Variants in ZBTB17 observed in about 807,000 individuals in gnomAD.
ZBTB17 encodes the protein zinc finger and BTB domain containing 17.
Under a neutral mutation model 85.1 loss-of-function variants are expected in ZBTB17, and 24 were observed. That is an observed-to-expected ratio of 0.28 (90% CI 0.20 to 0.40). The LOEUF (loss-of-function observed/expected upper bound fraction) is 0.40. Ranked by LOEUF, ZBTB17 falls within the 10% of genes least tolerant of loss-of-function variation. ZBTB17 has a pLI of 1.00. For missense variants in ZBTB17, 743 were observed against 1,105.1 expected (o/e 0.67, Z 4.65); for synonymous variants, 464 against 460.2 (o/e 1.01, Z -0.11).
chr1:15,974,918 T>C (rs2072809828), intron 1 of ZBTB17, among the ~76,000 whole-genome samples: 1 of 152,208 alleles, frequency 6.6e-6, no homozygotes, highest in South Asian at 2.1e-4. Context: ...CTCCTCTCTC[T>C]ACGAAGATGA....
chr1:15,945,705 G>T lies in ZBTB17; in HGVS notation c.661+10C>A. On this transcript the variant is annotated intron_variant, in intron 6 of 15. Coordinates refer to ENST00000375743, the MANE Select transcript of ZBTB17 (RefSeq NM_003443.3). The stretch of plus-strand genomic sequence containing the variant: ...CCAGGTAGGGCCTGGTCCTGGCTGG[G>T]CGGGGCTACCTTGCTCCGAGCTCTC... The T allele has an allele frequency of 1.2e-6, 2 of 1,606,668 alleles. No homozygotes were observed. The highest frequency in any genetic ancestry group is 1.7e-6 in the Non-Finnish European group (2 of 1,179,794).
chr1:15,955,858 C>G (rs2148786948), intron 2 of ZBTB17, among the ~76,000 whole-genome samples: 1 of 152,290 alleles, frequency 6.6e-6, no homozygotes, highest in South Asian at 2.1e-4. Context: ...GCCTAGGTGA[C>G]AGAGGGAGAC....
At position 15,966,187 on chromosome 1, in the gene ZBTB17, A is replaced by G. The variant is rs982829837; in HGVS notation, c.-3+6852T>C. On this transcript the variant is annotated intron_variant, in intron 2 of 15. Transcript: ENST00000375743. This position sits in a 1 kb window ranked among gnomAD's most constrained non-coding sequence, Gnocchi z 4.1. ...GAGGGGCCCACATGGCCCCGAGACT[A>G]CAGAAATGAGAAGTGCTTTGCTCTC... is the stretch of plus-strand genomic sequence containing the variant. 6.6e-6 allele frequency among the ~76,000 whole-genome samples: 1 copy of G among 152,200 alleles called. No homozygotes were observed. The highest frequency in any genetic ancestry group is 1.5e-5 in the Non-Finnish European group (1 of 68,036).
intron 2 of ZBTB17, among the ~76,000 whole-genome samples, chr1:15,960,169 T>C (rs2072207198): frequency 6.6e-6 from 1 of 152,176 alleles, no homozygotes; most frequent in Non-Finnish European, 1.5e-5. Context: ...GTTAAAACAC[T>C]CCTACCTCCA....
chr1:15,945,876 C>CCT, intron 5 of ZBTB17, 36 bp from the exon 6 acceptor site: 3 of 1,574,260 alleles, frequency 1.9e-6, no homozygotes, highest in Non-Finnish European at 2.6e-6. Context: ...GGATTGCTAC[C>CCT]CTCTGCCCAG....
intron 2 of ZBTB17, among the ~76,000 whole-genome samples, chr1:15,955,833 C>T (rs1039981873): frequency 3.3e-5 from 5 of 152,170 alleles, no homozygotes; most frequent in Non-Finnish European, 2.9e-5. Context: ...GCTATGACTG[C>T]ACCACTGCAC....
chr1:15,947,175 C>T, intron 3 of ZBTB17, 52 bp from the exon 4 acceptor site: 3 of 1,537,878 alleles, frequency 2.0e-6, no homozygotes, highest in Middle Eastern at 1.7e-4. Flanking sequence ...CCGGCACCGG[C>T]AGCCTGCCCC....
rs924725197 is a variant in ZBTB17 at position 15,952,676 on chromosome 1, C to A, written c.-2-4179G>T. Among the ~76,000 whole-genome samples, 15 of 152,342 alleles carry A rather than the reference C, an allele frequency of 9.8e-5. No homozygotes were observed. The highest frequency in any genetic ancestry group is 6.8e-3 in the Middle Eastern group (2 of 294). ...GGCTCCTGGGAATCCAGTCACCGAG[C>A]TGGAGGAAAGTCCAAGCTCCCGTGT... On this transcript the variant is annotated intron_variant, in intron 2 of 15. Coordinates refer to ENST00000375743, the MANE Select transcript of ZBTB17 (RefSeq NM_003443.3). This position sits in a 1 kb window ranked among gnomAD's most constrained non-coding sequence, Gnocchi z 4.3.
chr1:15,949,648 C>T (rs752515644), intron 2 of ZBTB17, among the ~76,000 whole-genome samples: 7 of 152,342 alleles, frequency 4.6e-5, no homozygotes, highest in African/African-American at 9.6e-5. Flanking sequence ...CCCCCAGTTT[C>T]GGCAGCTCTG....
In ZBTB17 at chr1:15,966,352, T is replaced by A. The variant is rs1488891148; in HGVS notation, c.-3+6687A>T. ...TGCGGCTGGGGTGGGGAGAACAGAT[T>A]CTACTGCCAGACCTTTCAAGACCAG... is the stretch of plus-strand genomic sequence containing the variant. On this transcript the variant is annotated intron_variant, in intron 2 of 15. Transcript: ENST00000375743. This position sits in a 1 kb window ranked among gnomAD's most constrained non-coding sequence, Gnocchi z 4.1. Among the ~76,000 whole-genome samples the A allele has an allele frequency of 6.6e-6, 1 of 152,112 alleles. No individual in the cohort carries two copies.
chr1:15,946,208 G>A lies in ZBTB17; in HGVS notation c.481C>T (p.Pro161Ser). The A allele has an allele frequency of 6.2e-7, 1 of 1,613,212 alleles. No individual in the cohort carries two copies. Among genetic ancestry groups the A allele is most frequent in the Non-Finnish European group, 8.5e-7 (1 of 1,180,022 alleles). The change falls in exon 5 of 16, where the codon CCC becomes TCC. Residue 161 changes from proline to serine, a missense_variant. Physicochemically the swap from Pro to Ser is moderately conservative, Grantham distance 74 (BLOSUM62 -1). Coordinates refer to ENST00000375743, the MANE Select transcript of ZBTB17 (RefSeq NM_003443.3). ...CGCTCCTCCTTGAGGTCCCTGCTGGGGCCTATGGGTGTGCTGCGTCCTGCC... is the reference window on the plus strand; with the variant it reads ...CGCTCCTCCTTGAGGTCCCTGCTGGAGCCTATGGGTGTGCTGCGTCCTGCC... ...EQAGRSTPIG[P>S]SRDLKEERGG...
chr1:15,943,973 G>T, intron 9 of ZBTB17, 78 bp from the exon 10 acceptor site: 1 of 1,377,984 alleles, frequency 7.3e-7, no homozygotes, highest in South Asian at 1.2e-5. Context: ...TCCCACAAAG[G>T]AACAATTGAC....
chr1:15,945,183 G>C lies in ZBTB17; in HGVS notation c.681C>G (p.Ala227=). 2 of 1,556,346 alleles carry C rather than the reference G, an allele frequency of 1.3e-6. No individual in the cohort carries two copies. The highest frequency in any genetic ancestry group is 1.7e-6 in the Non-Finnish European group (2 of 1,149,678). The change falls in exon 7 of 16, where the codon GCC becomes GCG. Residue 227 remains alanine (A), a synonymous_variant. Coordinates refer to ENST00000375743, the MANE Select transcript of ZBTB17 (RefSeq NM_003443.3). ...SSEQEMEVEP[A]RKGEEEQKEQ... ...CCTTTTGCTCCTCTTCCCCTTTCCG[G>C]GCGGGCTCCACCTCCATTTCTGCGG...
intron 6 of ZBTB17, 77 bp from the exon 7 acceptor site, chr1:15,945,279 G>A: frequency 2.6e-6 from 4 of 1,515,506 alleles, no homozygotes; most frequent in Non-Finnish European, 3.5e-6. Context: ...GCAACATGTG[G>A]AAGGGACAGT....
chr1:15,968,475 G>A (rs1170399020), intron 2 of ZBTB17, among the ~76,000 whole-genome samples: 1 of 152,172 alleles, frequency 6.6e-6, no homozygotes, highest in Admixed American at 6.5e-5. Context: ...GATCATAATT[G>A]AGGTGAAAAT....
rs1480893077 is a variant in ZBTB17, at chr1:15,948,439, C to T, written c.57G>A (p.Gln19=). 1 of 1,613,948 alleles carries T rather than the reference C, an allele frequency of 6.2e-7. No homozygotes were observed. Among genetic ancestry groups the T allele is most frequent in the Non-Finnish European group, 8.5e-7 (1 of 1,180,060 alleles). Residue 19 remains glutamine (Q), a synonymous_variant, in exon 3 of 16, where the codon CAG becomes CAA. Coordinates refer to ENST00000375743, the MANE Select transcript of ZBTB17 (RefSeq NM_003443.3). ...AGGTGCAGTCACAGAGAAGCCCCAG[C>T]TGCCGCTGCTGGTTCAGCTGTTCCA... ...HVLEQLNQQR[Q]LGLLCDCTFV...
chr1:15,955,630 T>C (rs1298585985), intron 2 of ZBTB17, among the ~76,000 whole-genome samples: 1 of 152,220 alleles, frequency 6.6e-6, no homozygotes, highest in Non-Finnish European at 1.5e-5. Flanking sequence ...CTGACTTTGC[T>C]TTTCAAACTA....
rs1414999179 is a variant in ZBTB17, at chr1:15,943,694, C to T, written c.1481G>A (p.Arg494Gln). ...GTAGGGCTTCTCCCCGCTGTGGATCCGAAGGTGCCGCTTCAGGTTCCCTGT... is the reference window on the plus strand; with the variant it reads ...GTAGGGCTTCTCCCCGCTGTGGATCTGAAGGTGCCGCTTCAGGTTCCCTGT... Reference protein sequence around the residue: ...TTSGNLKRHLRIHSGEKPYVC... With the variant: ...TTSGNLKRHLQIHSGEKPYVC... The change falls in exon 11 of 16, where the codon CGG becomes CAG. Residue 494 changes from arginine (R) to glutamine (Q), a missense_variant. Arg to Gln is a conservative substitution (Grantham distance 43). Transcript: ENST00000375743. 6.2e-7 allele frequency: 1 copy of T among 1,613,240 alleles called. No individual in the cohort carries two copies. The highest frequency in any genetic ancestry group is 8.5e-7 in the Non-Finnish European group (1 of 1,179,940).
chr1:15,947,831 G>C (rs2071676720), intron 3 of ZBTB17, among the ~76,000 whole-genome samples: 1 of 152,152 alleles, frequency 6.6e-6, no homozygotes, highest in South Asian at 2.1e-4. Flanking sequence ...CGTCAGTCTG[G>C]GTTGGGAGTC....
Sources: allele counts gnomAD v4.1 joint callset (sites outside exome capture counted in the v4.1 genomes callset), GRCh38; gene constraint gnomAD v4.1.1; non-coding constraint Gnocchi (gnomAD v3.1); transcripts MANE v1.5; gene names NCBI Gene and HGNC (gene_info 2026-07-23, HGNC 2026-07-21).